Variants in AFG2A observed in about 807,000 individuals in gnomAD.
The protein encoded by AFG2A is ATPase family gene 2 protein homolog A.
the AFG2A span, among the ~76,000 whole-genome samples, chr4:123,099,455 A>G: frequency 2.0e-5 from 3 of 151,478 alleles, no homozygotes; most frequent in African/African-American, 7.3e-5. Flanking sequence ...CATTTTCCCT[A>G]TAACTTCTTT....
At chr4:123,085,351 T>C in the AFG2A span, among the ~76,000 whole-genome samples, 2 of 152,214 alleles carry the variant, frequency 1.3e-5, no homozygotes, top group African/African-American at 4.8e-5. Flanking sequence ...TATAGTTCTA[T>C]TAGTTTTTGC....
chr4:123,151,222 T>C, the AFG2A span, among the ~76,000 whole-genome samples: 4,394 of 152,278 alleles, frequency 0.029, 86 homozygotes, highest in Non-Finnish European at 0.036. Context: ...AAAGACTTCA[T>C]GACTAAAACA....
the AFG2A span, among the ~76,000 whole-genome samples, chr4:123,217,726 T>C: frequency 1.3e-5 from 2 of 152,178 alleles, no homozygotes; most frequent in African/African-American, 2.4e-5. Flanking sequence ...TAATGAACTC[T>C]GAGGGGTTTA....
At chr4:123,157,887 G>C in the AFG2A span, among the ~76,000 whole-genome samples, 1 of 152,136 alleles carries the variant, frequency 6.6e-6, no homozygotes, top group Non-Finnish European at 1.5e-5. Context: ...ACAGAAACTG[G>C]ATACTGAAAA....
chr4:123,157,828 A>G, the AFG2A span, among the ~76,000 whole-genome samples: 1 of 152,198 alleles, frequency 6.6e-6, no homozygotes, highest in Non-Finnish European at 1.5e-5. Context: ...AACAAAACCT[A>G]TTCAACTTAA....
chr4:123,007,584 GTGTGTGTGTGTGTGTGTGTGTGTGTA>G, the AFG2A span, among the ~76,000 whole-genome samples: 2,256 of 10,154 alleles, frequency 0.22, 55 homozygotes, highest in African/African-American at 0.23. Context: ...GTGTGTGTGT[GTGTGTGTGTGTGTGTGTGTGTGTGTA>G]TATATATATA....
At chr4:123,286,828 G>T in the AFG2A span, among the ~76,000 whole-genome samples, 10 of 151,756 alleles carry the variant, frequency 6.6e-5, no homozygotes, top group African/African-American at 2.4e-4. Context: ...TAATAGGAGA[G>T]TAGCAAAGCA....
chr4:123,180,978 C>CTTTTTT, the AFG2A span, among the ~76,000 whole-genome samples: 21 of 118,360 alleles, frequency 1.8e-4, no homozygotes, highest in South Asian at 2.8e-4. Context: ...TCCTCCCCCT[C>CTTTTTT]TTTTTTTTTT....
the AFG2A span, among the ~76,000 whole-genome samples, chr4:123,248,610 C>A: frequency 6.6e-6 from 1 of 152,122 alleles, no homozygotes; most frequent in African/African-American, 2.4e-5. Context: ...AAGCATGTTT[C>A]TTCTATCTAT....
the AFG2A span, among the ~76,000 whole-genome samples, chr4:123,302,898 T>A: frequency 6.6e-6 from 1 of 152,194 alleles, no homozygotes; most frequent in Admixed American, 6.5e-5. Context: ...GAGCCAGTGC[T>A]TTTGCACACC....
the AFG2A span, among the ~76,000 whole-genome samples, chr4:123,183,353 A>G: frequency 3.7e-4 from 56 of 152,312 alleles, no homozygotes; most frequent in East Asian, 6.4e-3. Context: ...ATCATTGTTT[A>G]TTGTTTTACA....
the AFG2A span, among the ~76,000 whole-genome samples, chr4:123,307,834 C>T: frequency 6.6e-6 from 1 of 152,140 alleles, no homozygotes; most frequent in Admixed American, 6.5e-5. Flanking sequence ...AGTTGCCTGC[C>T]TACAGTATTC....
the AFG2A span, among the ~76,000 whole-genome samples, chr4:123,204,044 G>A: frequency 2.0e-5 from 3 of 152,034 alleles, no homozygotes; most frequent in African/African-American, 7.2e-5. Context: ...CCTTTCCTTC[G>A]AAGTCACATC....
the AFG2A span, among the ~76,000 whole-genome samples, chr4:123,084,786 G>A: frequency 2.1e-3 from 319 of 151,882 alleles, 6 homozygotes; most frequent in East Asian, 0.05. Flanking sequence ...GCATCACCAA[G>A]CTTGACTACA....
the AFG2A span, among the ~76,000 whole-genome samples, chr4:123,224,101 G>A: frequency 1.3e-5 from 2 of 152,050 alleles, no homozygotes; most frequent in Admixed American, 6.6e-5. Flanking sequence ...TGTATATGAT[G>A]TAAGATAAGG....
At chr4:123,294,041 T>C in the AFG2A span, among the ~76,000 whole-genome samples, 1 of 152,188 alleles carries the variant, frequency 6.6e-6, no homozygotes, top group Non-Finnish European at 1.5e-5. Flanking sequence ...TGGTCACCCG[T>C]GTCTCTTATC....
the AFG2A span, among the ~76,000 whole-genome samples, chr4:123,029,649 T>G: frequency 6.6e-6 from 1 of 152,148 alleles, no homozygotes; most frequent in East Asian, 1.9e-4. Flanking sequence ...TTATTTGTTA[T>G]TTTTTTGAGA....
At chr4:123,031,852 C>G in the AFG2A span, among the ~76,000 whole-genome samples, 976 of 152,290 alleles carry the variant, frequency 6.4e-3, 14 homozygotes, top group African/African-American at 0.022. Flanking sequence ...AGGGTGGAGA[C>G]TTCAGCTTGG....
the AFG2A span, among the ~76,000 whole-genome samples, chr4:123,151,510 A>G: frequency 6.6e-6 from 1 of 152,234 alleles, no homozygotes; most frequent in African/African-American, 2.4e-5. Flanking sequence ...ACGTTTATGC[A>G]ACCAACAAAC....
Sources: allele counts gnomAD v4.1 joint callset (sites outside exome capture counted in the v4.1 genomes callset), GRCh38; gene constraint gnomAD v4.1.1; transcripts MANE v1.5; gene names NCBI Gene and HGNC (gene_info 2026-07-23, HGNC 2026-07-21).